Variants in RBFOX1 observed in about 807,000 individuals in gnomAD.
The protein encoded by RBFOX1 is RNA binding protein fox-1 homolog 1.
Under a neutral mutation model 57.7 loss-of-function variants are expected in RBFOX1, and 8 were observed. The observed-to-expected ratio is 0.14, with a 90% confidence interval of 0.08 to 0.25. The LOEUF is 0.25. Among genes scored for constraint, RBFOX1 ranks in the 10% least tolerant of loss-of-function variants. The probability of loss-of-function intolerance (pLI) is 1.00; values close to 1 mark genes in which losing one functional copy is unlikely to be tolerated. For synonymous variants in RBFOX1, 326 were observed against 222.4 expected (o/e 1.47, Z -4.15); for missense variants, 611 against 548.5 (o/e 1.11, Z -1.14).
At chr16:7,470,564 A>T (rs1050226719) in intron 4 of RBFOX1, among the ~76,000 whole-genome samples, 1 of 151,736 alleles carries the variant, frequency 6.6e-6, no homozygotes, top group South Asian at 2.1e-4. Context: ...TGGTAGGCAG[A>T]TGAGGTGATG....
intron 10 of RBFOX1, among the ~76,000 whole-genome samples, chr16:7,621,855 C>T (rs1227548448): frequency 6.6e-6 from 1 of 152,164 alleles, no homozygotes; most frequent in Non-Finnish European, 1.5e-5. Flanking sequence ...TTAGCCTCTG[C>T]AGGCCATAAG....
At chr16:7,162,711 A>G (rs926464823) in intron 4 of RBFOX1, among the ~76,000 whole-genome samples, 3 of 152,200 alleles carry the variant, frequency 2.0e-5, no homozygotes, top group South Asian at 2.1e-4. Context: ...CCTGGGTAAC[A>G]GAGTGAGACC....
intron 1 of RBFOX1, among the ~76,000 whole-genome samples, chr16:5,461,601 C>T (rs142127796): frequency 1.8e-4 from 28 of 152,314 alleles, no homozygotes; most frequent in African/African-American, 5.5e-4. Context: ...TAATCCTTGC[C>T]TGTCCCATAT....
chr16:7,705,170 A>T (rs537214969), intron 14 of RBFOX1, among the ~76,000 whole-genome samples: 1 of 152,190 alleles, frequency 6.6e-6, no homozygotes, highest in Non-Finnish European at 1.5e-5. Context: ...AAGTGCCAAG[A>T]CTAAGCAGAG....
chr16:7,241,573 G>A (rs563952831), intron 4 of RBFOX1, among the ~76,000 whole-genome samples: 19 of 152,208 alleles, frequency 1.2e-4, no homozygotes, highest in African/African-American at 4.6e-4. Context: ...TTGGGTTGGG[G>A]CATTGCAAGA....
chr16:5,516,504 A>G (rs1048302369), intron 2 of RBFOX1, among the ~76,000 whole-genome samples: 20 of 152,206 alleles, frequency 1.3e-4, no homozygotes, highest in African/African-American at 4.6e-4. Flanking sequence ...TAATGTCCAC[A>G]TTTCAGAAGA....
At chr16:7,052,225 A>C in intron 4 of RBFOX1, 127 bp downstream of exon 4, 3 of 1,378,668 alleles carry the variant, frequency 2.2e-6, no homozygotes, top group Non-Finnish European at 2.9e-6. Context: ...TAGAGTTGAA[A>C]ATATTTATCC....
In RBFOX1 at chr16:6,004,715, G is replaced by C. The variant is rs527503475; in HGVS notation, c.351+137380G>C. ...TCTGACTTTAGAGGTCCTCATCAGG[G>C]TATATTGATACTCGGCCCTAAGATT... On this transcript the variant is annotated intron_variant, in intron 4 of 19. Transcript: ENST00000641259. 2.6e-5 allele frequency among the ~76,000 whole-genome samples: 4 copies of C among 152,294 alleles called. No homozygotes were observed. The South Asian group carries it at 8.3e-4, about 32-fold the overall frequency.
chr16:5,935,670 C>T (rs1597858218), intron 4 of RBFOX1, among the ~76,000 whole-genome samples: 1 of 152,068 alleles, frequency 6.6e-6, no homozygotes, highest in South Asian at 2.1e-4. Context: ...AAGGGCGGTC[C>T]CTCCAGAGTC....
intron 13 of RBFOX1, among the ~76,000 whole-genome samples, chr16:7,674,202 G>A (rs1352908023): frequency 6.6e-6 from 1 of 152,130 alleles, no homozygotes; most frequent in Non-Finnish European, 1.5e-5. Context: ...AAAGATAGAG[G>A]AGAGATAAAA....
intron 5 of RBFOX1, among the ~76,000 whole-genome samples, chr16:7,530,888 G>T (rs942538354): frequency 6.6e-6 from 1 of 152,150 alleles, no homozygotes; most frequent in African/African-American, 2.4e-5. Flanking sequence ...TGGGGAGAAA[G>T]TCATCACCAC....
chr16:7,292,112 GTATAATA>G (rs1248394847), intron 4 of RBFOX1, among the ~76,000 whole-genome samples: 2 of 74,332 alleles, frequency 2.7e-5, no homozygotes, highest in South Asian at 6.8e-4. Context: ...CATGTATTAT[GTATAATA>G]TATAATATAT....
At chr16:6,860,091 C>T (rs765819413) in intron 3 of RBFOX1, among the ~76,000 whole-genome samples, 2 of 152,128 alleles carry the variant, frequency 1.3e-5, no homozygotes, top group Non-Finnish European at 2.9e-5. Flanking sequence ...GAATTGTGTA[C>T]TATTTTTCCT....
chr16:7,266,649 C>T (rs987524901), intron 4 of RBFOX1, among the ~76,000 whole-genome samples: 2 of 152,236 alleles, frequency 1.3e-5, no homozygotes, highest in Admixed American at 6.5e-5. Context: ...ACACTTCACT[C>T]CGTAACAATG....
At chr16:5,638,578 G>A (rs1465465046) in intron 3 of RBFOX1, among the ~76,000 whole-genome samples, 1 of 152,210 alleles carries the variant, frequency 6.6e-6, no homozygotes, top group African/African-American at 2.4e-5. Context: ...GAAAAGTGGG[G>A]TTATAGGAAT....
intron 1 of RBFOX1, among the ~76,000 whole-genome samples, chr16:6,172,369 G>A (rs2096967590): frequency 6.6e-6 from 1 of 152,186 alleles, no homozygotes; most frequent in South Asian, 2.1e-4. Context: ...ACTGAGCTCT[G>A]AAGCCCAACC....
chr16:7,159,645 G>A (rs1158787711), intron 4 of RBFOX1, among the ~76,000 whole-genome samples: 2 of 152,162 alleles, frequency 1.3e-5, no homozygotes, highest in Non-Finnish European at 2.9e-5. Flanking sequence ...GTTTGTGCTG[G>A]TTCTGGAGAG....
chr16:5,403,019 C>T (rs1307946335), intron 1 of RBFOX1, among the ~76,000 whole-genome samples: 1 of 152,144 alleles, frequency 6.6e-6, no homozygotes, highest in African/African-American at 2.4e-5. Flanking sequence ...TGCATGCACA[C>T]ACGTATACAC....
intron 1 of RBFOX1, among the ~76,000 whole-genome samples, chr16:6,073,817 C>G (rs904930909): frequency 6.6e-6 from 1 of 152,010 alleles, no homozygotes; most frequent in African/African-American, 2.4e-5. Context: ...AGGGCTCTTT[C>G]AACTGCAGGT....
Sources: allele counts gnomAD v4.1 joint callset (sites outside exome capture counted in the v4.1 genomes callset), GRCh38; gene constraint gnomAD v4.1.1; transcripts MANE v1.5; gene names NCBI Gene and HGNC (gene_info 2026-07-23, HGNC 2026-07-21).